Variants in TATDN1 observed in about 807,000 individuals in gnomAD.
The protein encoded by TATDN1 is TatD DNase domain containing 1.
Under a neutral mutation model 46.4 loss-of-function variants are expected in TATDN1, and 40 were observed. The ratio of observed to expected loss-of-function variants is 0.86; its 90% CI spans 0.67 to 1.12. The LOEUF (loss-of-function observed/expected upper bound fraction) is 1.12. Among genes scored for constraint, TATDN1 ranks in the 50% most tolerant of loss-of-function variants. TATDN1 has a pLI of 0.00. For missense variants in TATDN1, 326 were observed against 348.4 expected, an observed-to-expected ratio of 0.94 and a Z score of 0.51; for synonymous variants, 95 against 105.6, an observed-to-expected ratio of 0.90 and a Z score of 0.62.
rs755601169 is a variant in TATDN1 at position 124,508,658 on chromosome 8, T to C, written c.420A>G (p.Glu140=). 2.4e-5 allele frequency: 38 copies of C among 1,584,326 alleles called. No homozygotes were observed. Among genetic ancestry groups the C allele is most frequent in the Non-Finnish European group, 3.3e-5 (38 of 1,166,150 alleles). ...GAAGAAACATTGGTAATTTTGTTTG[T>C]TCTGACAGTTCAAACTGTTTTTCAA... The part of the protein sequence containing the change: ...KYFEKQFELS[E]QTKLPMFLHC... The change falls in exon 7 of 12, where the codon GAA becomes GAG. Residue 140 remains glutamate (E), a synonymous_variant. Coordinates refer to ENST00000276692, the MANE Select transcript of TATDN1 (RefSeq NM_032026.4).
intron 1 of TATDN1, among the ~76,000 whole-genome samples, chr8:124,533,402 T>C (rs181815886): frequency 5.3e-5 from 8 of 152,258 alleles, no homozygotes; most frequent in Non-Finnish European, 8.8e-5. Context: ...CTAAATTGAA[T>C]GAGAAACATA....
At chr8:124,506,912 T>C (rs939656850) in intron 8 of TATDN1, among the ~76,000 whole-genome samples, 3 of 152,022 alleles carry the variant, frequency 2.0e-5, no homozygotes, top group East Asian at 1.9e-4. Context: ...CCTGTAATCC[T>C]AGCACTTTGG....
chr8:124,538,935 G>C lies in TATDN1; in HGVS notation c.22+90C>G, dbSNP rs547128938. 79 of 1,522,336 alleles carry C rather than the reference G, an allele frequency of 5.2e-5. No homozygotes were observed. In the Admixed American group the frequency reaches 1.1e-3, roughly 22 times the overall value. The allele number at this position is 1,522,336 out of a possible 1,614,324, so 94.3% of individuals were successfully genotyped here. ...GGCCCTTTCAACCCTTACAATGCCG[G>C]AGGGCGCAATTCCTGGGTCCTGTGA... On this transcript the variant is annotated intron_variant, in intron 1 of 11. Transcript: ENST00000276692.
At position 124,508,690 on chromosome 8, in the gene TATDN1, T is replaced by C. The variant is rs1331085612; in HGVS notation, c.390-2A>G. On this transcript the variant is annotated splice_acceptor_variant, in intron 6 of 11. Coordinates refer to ENST00000276692, the MANE Select transcript of TATDN1 (RefSeq NM_032026.4). LOFTEE classifies it high-confidence loss of function. ...AGTTCAAACTGTTTTTCAAAATATC[T>C]GCATAATGCAAAAAAAAAAAATTCT... The C allele has an allele frequency of 6.6e-7, 1 of 1,516,452 alleles. No homozygotes were observed. The highest frequency in any genetic ancestry group is 2.4e-5 in the Admixed American group (1 of 41,876). 93.9% of individuals were successfully genotyped at this position (1,516,452 alleles called of 1,614,324 possible).
At chr8:124,505,112 CAAT>C (rs1292917075) in intron 8 of TATDN1, among the ~76,000 whole-genome samples, 1 of 151,014 alleles carries the variant, frequency 6.6e-6, no homozygotes, top group East Asian at 2.0e-4. Flanking sequence ...GGGCCAGGCG[CAAT>C]GGCTCACGCC....
intron 1 of TATDN1, among the ~76,000 whole-genome samples, chr8:124,528,102 A>G (rs1820654962): frequency 6.6e-6 from 1 of 152,218 alleles, no homozygotes; most frequent in African/African-American, 2.4e-5. Flanking sequence ...AGCCAACTAA[A>G]TAGATCATTG....
rs1219857354 is a variant in TATDN1 at position 124,530,195 on chromosome 8, G to A, written c.23-7193C>T. ...AACACAGGACACATCAAAACAAGGGGTGACAATATCTGGGCTTTGAAGGAA... is the reference window on the plus strand; with the variant it reads ...AACACAGGACACATCAAAACAAGGGATGACAATATCTGGGCTTTGAAGGAA... On this transcript the variant is annotated intron_variant, in intron 1 of 11. Transcript: ENST00000276692. Among the ~76,000 whole-genome samples, 4 of 152,264 alleles carry A rather than the reference G, an allele frequency of 2.6e-5. No homozygotes were observed. The East Asian group carries it at 5.8e-4, about 22-fold the overall frequency.
chr8:124,494,203 TA>T (rs760427967), intron 10 of TATDN1: 51 of 276,296 alleles, frequency 1.8e-4, no homozygotes, highest in East Asian at 3.9e-4. Context: ...CAGCATGCTT[TA>T]AAAAAAAGAC....
chr8:124,519,868 T>C (rs939244124), intron 3 of TATDN1, among the ~76,000 whole-genome samples: 33 of 152,342 alleles, frequency 2.2e-4, no homozygotes, highest in African/African-American at 7.9e-4. Context: ...TATGTGTTGA[T>C]AGTGAGAGCA....
intron 9 of TATDN1, among the ~76,000 whole-genome samples, chr8:124,500,681 C>CAA (rs753888537): frequency 1.3e-4 from 13 of 99,628 alleles, no homozygotes; most frequent in African/African-American, 4.5e-4. Flanking sequence ...GACCCTGTCT[C>CAA]AAAAAAAAAA....
chr8:124,501,658 C>T (rs1817975124), intron 9 of TATDN1, among the ~76,000 whole-genome samples: 2 of 150,862 alleles, frequency 1.3e-5, no homozygotes, highest in Non-Finnish European at 3.0e-5. Context: ...AAAAGGGTTA[C>T]AAAATATAGC....
intron 9 of TATDN1, 89 bp from the exon 10 acceptor site, chr8:124,495,631 C>T (rs1467658846): frequency 1.1e-6 from 1 of 949,498 alleles, no homozygotes; most frequent in Non-Finnish European, 1.6e-6. Flanking sequence ...GCTACAAAAC[C>T]AACCCAAAAC....
chr8:124,526,460 T>C lies in TATDN1; in HGVS notation c.23-3458A>G, dbSNP rs1338125452. The stretch of plus-strand genomic sequence containing the variant: ...GCCAGATCCAGCTAAAGATAGTAAG[T>C]AGCTTGAAAAGCTAAGAAAGTAAGA... On this transcript the variant is annotated intron_variant, in intron 1 of 11. Coordinates refer to ENST00000276692, the MANE Select transcript of TATDN1 (RefSeq NM_032026.4). Among the ~76,000 whole-genome samples, 3 of 152,182 alleles carry C rather than the reference T, an allele frequency of 2.0e-5. No individual in the cohort carries two copies. The East Asian group carries it at 5.8e-4, about 29-fold the overall frequency.
chr8:124,521,144 G>A (rs1429444914), intron 3 of TATDN1, among the ~76,000 whole-genome samples: 1 of 152,072 alleles, frequency 6.6e-6, no homozygotes, highest in Non-Finnish European at 1.5e-5. Context: ...GAAGTCTAGT[G>A]AGATAAAAGA....
intron 1 of TATDN1, among the ~76,000 whole-genome samples, chr8:124,533,417 A>G (rs1821143206): frequency 6.6e-6 from 1 of 152,158 alleles, no homozygotes; most frequent in Non-Finnish European, 1.5e-5. Context: ...AACATATACA[A>G]CGAGAGGGGA....
chr8:124,509,697 T>C (rs550551932), intron 6 of TATDN1, among the ~76,000 whole-genome samples: 4 of 152,324 alleles, frequency 2.6e-5, no homozygotes, highest in Admixed American at 1.3e-4. Context: ...CTTTGCTCTC[T>C]TGAAAATGCT....
chr8:124,520,500 A>T (rs1038647046), intron 3 of TATDN1, among the ~76,000 whole-genome samples: 4 of 152,114 alleles, frequency 2.6e-5, no homozygotes, highest in Non-Finnish European at 4.4e-5. Context: ...CATACCTAAA[A>T]CTTTAATACT....
At chr8:124,526,594 C>G (rs1445970555) in intron 1 of TATDN1, 2 of 152,154 alleles carry the variant, frequency 1.3e-5, no homozygotes, top group African/African-American at 4.8e-5. Context: ...AGCATGTCAC[C>G]CTATATAGAT....
chr8:124,498,920 GA>G (rs1323253021), intron 9 of TATDN1, among the ~76,000 whole-genome samples: 1 of 150,844 alleles, frequency 6.6e-6, no homozygotes, highest in Non-Finnish European at 1.5e-5. Context: ...GAAGTGCTAG[GA>G]TTACAGGCAT....
Sources: allele counts gnomAD v4.1 joint callset (sites outside exome capture counted in the v4.1 genomes callset), GRCh38; gene constraint gnomAD v4.1.1; transcripts MANE v1.5; gene names NCBI Gene and HGNC (gene_info 2026-07-23, HGNC 2026-07-21).